COQ8A: variants seen among roughly 807,000 people sequenced by gnomAD.
The protein encoded by COQ8A is coenzyme Q8A.
COQ8A carries 51 observed loss-of-function variants against 65.0 expected under a neutral mutation model. The observed-to-expected ratio is 0.78, with a 90% CI of 0.63 to 0.99. The LOEUF is 0.99. Ranked by LOEUF, COQ8A falls within the 50% of genes least tolerant of loss-of-function variation. The pLI, the probability that COQ8A is intolerant of heterozygous loss-of-function variation, is 0.00. For missense variants in COQ8A, 940 were observed against 875.0 expected (o/e 1.07, Z -0.94); for synonymous variants, 371 against 353.2 (o/e 1.05, Z -0.57).
chr1:226,959,919 C>G (rs1054318925), intron 1 of COQ8A, among the ~76,000 whole-genome samples: 28 of 152,250 alleles, frequency 1.8e-4, no homozygotes, highest in African/African-American at 6.5e-4. Context: ...GACAAGTGAA[C>G]TAAGAAAGCT....
At chr1:226,960,515 G>A (rs1658171377) in intron 1 of COQ8A, among the ~76,000 whole-genome samples, 7 of 151,994 alleles carry the variant, frequency 4.6e-5, no homozygotes, top group East Asian at 1.9e-4. Flanking sequence ...TGGTGGTGGT[G>A]GTGGTGCTTG....
intron 8 of COQ8A, chr1:226,983,315 G>C (rs1416764653): frequency 2.4e-5 from 16 of 658,826 alleles, no homozygotes; most frequent in Non-Finnish European, 3.7e-5. Flanking sequence ...GCCAGAGCTG[G>C]TGGGAGGGTG....
rs111529228 is a variant in COQ8A, at chr1:226,965,113, C to T, written c.291C>T (p.Ser97=). 7.5e-3 allele frequency: 12,157 copies of T among 1,613,992 alleles called. 64 individuals carry two copies. The highest frequency in any genetic ancestry group is 9.4e-3 in the Non-Finnish European group (11,100 of 1,180,038). ...CCTCCACAGACTTCTCTTCAGCCTC[C>T]GCTCCCGACCAGTCAGCGCCCCCAT... ...AGASTDFSSA[S]APDQSAPPSL... Residue 97 remains serine (S), a synonymous_variant, in exon 3 of 15, where the codon TCC becomes TCT. Coordinates refer to ENST00000366777, the MANE Select transcript of COQ8A (RefSeq NM_020247.5).
chr1:226,945,690 T>C (rs1656994711), intron 1 of COQ8A, among the ~76,000 whole-genome samples: 1 of 152,230 alleles, frequency 6.6e-6, no homozygotes, highest in South Asian at 2.1e-4. Context: ...TTACACCTGC[T>C]TGGTGCTCAC....
At chr1:226,956,807 C>T (rs1309135829) in intron 1 of COQ8A, among the ~76,000 whole-genome samples, 14 of 134,182 alleles carry the variant, frequency 1.0e-4, no homozygotes, top group African/African-American at 3.8e-4. Context: ...TTCACACTCT[C>T]CCTGGCTGCC....
chr1:226,963,575 CTG>C (rs1658382863), intron 2 of COQ8A, among the ~76,000 whole-genome samples: 1 of 152,196 alleles, frequency 6.6e-6, no homozygotes, highest in East Asian at 1.9e-4. Flanking sequence ...CCTGGGGGCT[CTG>C]TGAATTTAAA....
chr1:226,977,383 T>TG (rs1659303188), intron 4 of COQ8A, 66 bp from the exon 5 acceptor site: 1 of 1,484,476 alleles, frequency 6.7e-7, no homozygotes, highest in Admixed American at 2.0e-5. Context: ...CCAGGCCTTG[T>TG]GGGTGGGCGA....
intron 2 of COQ8A, 72 bp from the exon 3 acceptor site, chr1:226,964,928 C>A: frequency 6.4e-7 from 1 of 1,557,630 alleles, no homozygotes; most frequent in South Asian, 1.1e-5. Flanking sequence ...CTGTCCTGGG[C>A]AGCAGGGGAC....
intron 4 of COQ8A, among the ~76,000 whole-genome samples, chr1:226,968,515 T>G (rs1658692366): frequency 6.6e-6 from 1 of 152,074 alleles, no homozygotes. Flanking sequence ...ATCCAAACAG[T>G]TTGTAGTTGC....
At position 226,986,705 on chromosome 1, in the gene COQ8A, A is replaced by G; in HGVS notation, c.1912A>G (p.Ser638Gly). Residue 638 changes from serine (S) to glycine (G), a missense_variant, in exon 15 of 15, where the codon AGC becomes GGC. Ser to Gly is a moderately conservative substitution (Grantham distance 56). Coordinates refer to ENST00000366777, the MANE Select transcript of COQ8A (RefSeq NM_020247.5). ...PCKAMFEEAY[S>G]NYCKRQAQQ ...CAAGGCCATGTTCGAGGAGGCCTAC[A>G]GCAACTACTGCAAGAGGCAGGCCCA... 1.2e-6 allele frequency: 2 copies of G among 1,613,934 alleles called. No homozygotes were observed. Among genetic ancestry groups the G allele is most frequent in the South Asian group, 2.2e-5 (2 of 91,082 alleles).
Sources: allele counts gnomAD v4.1 joint callset (sites outside exome capture counted in the v4.1 genomes callset), GRCh38; gene constraint gnomAD v4.1.1; transcripts MANE v1.5; gene names NCBI Gene and HGNC (gene_info 2026-07-23, HGNC 2026-07-21).